The following TAL1 variants were observed in gnomAD, a reference collection of about 807,000 sequenced individuals.
TAL1 encodes the protein TAL bHLH transcription factor 1, erythroid differentiation factor.
TAL1 carries 8 observed loss-of-function variants against 17.9 expected under a neutral mutation model. The ratio of observed to expected loss-of-function variants is 0.45; its 90% CI spans 0.26 to 0.81. The LOEUF (loss-of-function observed/expected upper bound fraction) is 0.81. TAL1 is among the 30% of genes least tolerant of loss of function. TAL1 has a pLI of 0.17. For missense variants in TAL1, 466 were observed against 486.9 expected (o/e 0.96, Z 0.40); for synonymous variants, 223 against 218.6 (o/e 1.02, Z -0.18).
At chr1:47,222,564 ACT>A (rs1254299683) in intron 3 of TAL1, among the ~76,000 whole-genome samples, 2 of 151,656 alleles carry the variant, frequency 1.3e-5, no homozygotes, top group Non-Finnish European at 2.9e-5. Flanking sequence ...ACTTCTATGG[ACT>A]CTTTTTGGGT....
intron 1 of TAL1, chr1:47,227,229 C>T (rs1358400538): frequency 6.6e-6 from 1 of 152,196 alleles, no homozygotes; most frequent in African/African-American, 2.4e-5. Context: ...AGAACCAAAA[C>T]AGAAAAATCA....
upstream of TAL1, among the ~76,000 whole-genome samples, chr1:47,231,426 G>A (rs1644012152): frequency 6.6e-6 from 1 of 151,264 alleles, no homozygotes; most frequent in Non-Finnish European, 1.5e-5. Context: ...ACTCAGTGCG[G>A]ACAGGACCAC....
chr1:47,217,579 G>A (rs149018222), exon 4 of TAL1: 2 of 398,602 alleles, frequency 5.0e-6, no homozygotes, highest in East Asian at 7.1e-5. Flanking sequence ...AAAAGAAAAA[G>A]TTCTTTACGT....
At position 47,228,965 on chromosome 1, in the gene TAL1, A is replaced by G. The variant is rs374906005; in HGVS notation, c.-2+231T>C. 7.4e-5 allele frequency: 12 copies of G among 162,542 alleles called. No homozygotes were observed. The South Asian group carries it at 2.4e-3, about 33-fold the overall frequency. The allele number at this position is 162,542 out of a possible 1,614,324, so 10.1% of individuals were successfully genotyped here. On this transcript the variant is annotated intron_variant, in intron 1 of 3. Coordinates refer to ENST00000294339, the Ensembl canonical transcript of TAL1. ...ACCAATGGGAAAGGCCTGGACGACT[A>G]AGTCCAACTAGCTGGTTTTACCCTG...
chr1:47,224,024 T>A (rs117709229), exon 3 of TAL1: 4 of 1,613,638 alleles, frequency 2.5e-6, no homozygotes, highest in Non-Finnish European at 3.4e-6. Context: ...CTCCATCTCA[T>A]AGGGGGAAGG....
chr1:47,219,274 T>A, exon 4 of TAL1: 1 of 457,004 alleles, frequency 2.2e-6, no homozygotes, highest in Non-Finnish European at 4.1e-6. Flanking sequence ...TGGGTACCTA[T>A]AAATATGGAC....
exon 4 of TAL1, chr1:47,216,504 C>T (rs893608635): frequency 2.2e-5 from 5 of 230,250 alleles, no homozygotes; most frequent in Admixed American, 1.1e-4. Context: ...ACAACGTTGA[C>T]GGAAAGTGCT....
chr1:47,226,470 A>C (rs1385765568), intron 1 of TAL1, among the ~76,000 whole-genome samples: 2 of 152,168 alleles, frequency 1.3e-5, no homozygotes, highest in East Asian at 3.9e-4. Context: ...GGCTACGGGG[A>C]CTGGGATCCA....
At chr1:47,225,849 G>A in exon 2 of TAL1, 1 of 1,586,398 alleles carries the variant, frequency 6.3e-7, no homozygotes, top group Non-Finnish European at 8.5e-7. Flanking sequence ...TCTAGCTGGG[G>A]GTCACTGCGA....
At chr1:47,224,832 G>C (rs1643883498) in intron 2 of TAL1, among the ~76,000 whole-genome samples, 1 of 152,176 alleles carries the variant, frequency 6.6e-6, no homozygotes, top group Non-Finnish European at 1.5e-5. Flanking sequence ...CAGGGAAACG[G>C]ATGCCCTGAC....
intron 2 of TAL1, among the ~76,000 whole-genome samples, chr1:47,224,976 A>T: frequency 6.6e-6 from 1 of 152,070 alleles, no homozygotes; most frequent in Non-Finnish European, 1.5e-5. Flanking sequence ...CCACCCTCAG[A>T]TCCTTATCTC....
exon 2 of TAL1, chr1:47,225,514 C>A: frequency 1.6e-6 from 2 of 1,236,272 alleles, no homozygotes; most frequent in African/African-American, 3.1e-5. Flanking sequence ...GGGCAGCCAG[C>A]GCGGGAGGAC....
chr1:47,225,214 A>G (rs1643889173), intron 2 of TAL1, among the ~76,000 whole-genome samples: 1 of 152,146 alleles, frequency 6.6e-6, no homozygotes. Flanking sequence ...TGCACCCCGC[A>G]GCCACACGCA....
intron 3 of TAL1, among the ~76,000 whole-genome samples, chr1:47,221,455 ACTGTGCTGTGTTCAAGACT>A (rs1281814910): frequency 3.3e-5 from 5 of 152,192 alleles, no homozygotes; most frequent in African/African-American, 9.7e-5. Flanking sequence ...TGTGCAAAGC[ACTGTGCTGTGTTCAAGACT>A]CACTGGGGAT....
chr1:47,218,346 G>T (rs1645540952), exon 4 of TAL1: 1 of 232,868 alleles, frequency 4.3e-6, no homozygotes, highest in Non-Finnish European at 8.5e-6. Flanking sequence ...CAATGAAGGG[G>T]CAGTGGTTCA....
chr1:47,229,392 G>T (rs1250906054), exon 1 of TAL1: 1 of 183,894 alleles, frequency 5.4e-6, no homozygotes. Flanking sequence ...GATAGGGGTG[G>T]AGAGAAAGAG....
chr1:47,229,082 C>G (rs1344349344), intron 1 of TAL1, 114 bp downstream of exon 2: 2 of 132,838 alleles, frequency 1.5e-5, no homozygotes, highest in African/African-American at 2.7e-5. Flanking sequence ...CCCCTCCCCC[C>G]ACCCCCAATC....
At chr1:47,218,732 G>A (rs1569882297) in exon 4 of TAL1, 3 of 232,890 alleles carry the variant, frequency 1.3e-5, no homozygotes, top group African/African-American at 2.2e-5. Context: ...TGCTCAATTC[G>A]GAACATAGAC....
At position 47,219,894 on chromosome 1, in the gene TAL1, G is replaced by GGCCCCCCCCCCCCCCCC; in HGVS notation, c.821_822insGGGGGGGGGGGGGGGGC (p.Ala275GlyfsTer176). 4 of 1,555,984 alleles carry GGCCCCCCCCCCCCCCCC rather than the reference G, an allele frequency of 2.6e-6. No individual in the cohort carries two copies. Among genetic ancestry groups the GGCCCCCCCCCCCCCCCC allele is most frequent in the Non-Finnish European group, 2.6e-6 (3 of 1,149,544 alleles). ...CTTGCAGGAGGTCATCTGGGGGCGC[G>GGCCCCCCCCCCCCCCCC]CCGCCCCCTCCCCCACCTCCACCCC... On this transcript the variant is annotated frameshift_variant, in exon 4 of 4. Coordinates refer to ENST00000294339, the Ensembl canonical transcript of TAL1. LOFTEE classifies it high-confidence loss of function.
Sources: allele counts gnomAD v4.1 joint callset (sites outside exome capture counted in the v4.1 genomes callset), GRCh38; gene constraint gnomAD v4.1.1; transcripts MANE v1.5; gene names NCBI Gene and HGNC (gene_info 2026-07-23, HGNC 2026-07-21).